The following CHN1 variants were observed in gnomAD, a reference collection of about 807,000 sequenced individuals.
The protein encoded by CHN1 is N-chimaerin.
CHN1 carries 37 observed loss-of-function variants against 59.5 expected under a neutral mutation model. That is an observed-to-expected ratio of 0.62 (90% CI 0.48 to 0.82). CHN1 has a LOEUF of 0.82. Ranked by LOEUF, CHN1 falls within the 40% of genes least tolerant of loss-of-function variation. CHN1 has a pLI of 0.00. For missense variants in CHN1, 469 were observed against 571.0 expected, an observed-to-expected ratio of 0.82 and a Z score of 1.82; for synonymous variants, 206 against 200.4, an observed-to-expected ratio of 1.03 and a Z score of -0.24.
chr2:174,925,455 A>T (rs1689140616), intron 3 of CHN1, among the ~76,000 whole-genome samples: 1 of 152,252 alleles, frequency 6.6e-6, no homozygotes, highest in South Asian at 2.1e-4. Flanking sequence ...GGAATTTGCA[A>T]CTGTGGAGAA....
At chr2:174,939,648 A>T (rs1408544829) in intron 3 of CHN1, among the ~76,000 whole-genome samples, 1 of 152,246 alleles carries the variant, frequency 6.6e-6, no homozygotes, top group Non-Finnish European at 1.5e-5. Context: ...ACATACTTAA[A>T]AAATTAAAAA....
At chr2:174,815,902 C>G (rs1685236776) in intron 8 of CHN1, among the ~76,000 whole-genome samples, 1 of 152,138 alleles carries the variant, frequency 6.6e-6, no homozygotes, top group Non-Finnish European at 1.5e-5. Context: ...ATCCAAATGT[C>G]AACCTAGTTT....
At chr2:174,972,363 T>C (rs1690785077) in intron 1 of CHN1, among the ~76,000 whole-genome samples, 1 of 152,184 alleles carries the variant, frequency 6.6e-6, no homozygotes, top group African/African-American at 2.4e-5. Context: ...ACTTACTGTC[T>C]GCATCTCAAG....
intron 4 of CHN1, among the ~76,000 whole-genome samples, chr2:174,917,870 C>T (rs1688893235): frequency 6.6e-6 from 1 of 151,996 alleles, no homozygotes; most frequent in African/African-American, 2.4e-5. Flanking sequence ...TTATTCTTTT[C>T]CCCAAAGTGC....
At position 174,812,375 on chromosome 2, in the gene CHN1, C is replaced by T. The variant is rs373546784; in HGVS notation, c.820G>A (p.Val274Met). ...KVYSCDLTTL[V>M]KAHTTKRPMV... ...GGCCGCTTAGTGGTATGTGCTTTCA[C>T]GAGCGTCGTAAGGTCACAGCTGTAC... is the stretch of plus-strand genomic sequence containing the variant. The change falls in exon 9 of 13, where the codon GTG becomes ATG. Residue 274 changes from valine to methionine, a missense_variant. This residue lies in a region of CHN1 where 225 missense variants were observed against 289.9 expected (regional missense o/e 0.78). Transcript: ENST00000409900. 8 of 1,613,864 alleles carry T rather than the reference C, an allele frequency of 5.0e-6. No homozygotes were observed. The highest frequency in any genetic ancestry group is 1.3e-5 in the African/African-American group (1 of 74,930).
At chr2:174,947,225 GA>G (rs1224350839) in intron 2 of CHN1, among the ~76,000 whole-genome samples, 3 of 152,014 alleles carry the variant, frequency 2.0e-5, no homozygotes, top group East Asian at 1.9e-4. Context: ...GAGCCACTAT[GA>G]AAAAAAGGGA....
chr2:174,995,822 T>C (rs768643937), intron 1 of CHN1, among the ~76,000 whole-genome samples: 1 of 152,128 alleles, frequency 6.6e-6, no homozygotes, highest in Non-Finnish European at 1.5e-5. Context: ...AGTAGCCACT[T>C]AAAGTGCTTG....
At chr2:174,864,710 A>G (rs1687164098) in intron 6 of CHN1, among the ~76,000 whole-genome samples, 1 of 152,014 alleles carries the variant, frequency 6.6e-6, no homozygotes, top group African/African-American at 2.4e-5. Flanking sequence ...ATCGCTACAA[A>G]AAAATTAGCT....
chr2:174,854,652 T>C lies in CHN1; in HGVS notation c.550-7695A>G, dbSNP rs145675619. Among the ~76,000 whole-genome samples the C allele has an allele frequency of 4.0e-3, 609 of 152,260 alleles. 1 individual carries two copies. Among genetic ancestry groups the C allele is most frequent in the Non-Finnish European group, 7.6e-3 (516 of 68,004 alleles). On this transcript the variant is annotated intron_variant, in intron 6 of 12. Transcript: ENST00000409900. ...TGTCTTTGTTTCTTTATATGTAAAATGAATTGAAAATACTTATGGTATAGA... is the reference window on the plus strand; with the variant it reads ...TGTCTTTGTTTCTTTATATGTAAAACGAATTGAAAATACTTATGGTATAGA...
intron 6 of CHN1, among the ~76,000 whole-genome samples, chr2:174,866,515 A>G (rs1307288363): frequency 6.6e-6 from 1 of 152,196 alleles, no homozygotes; most frequent in Non-Finnish European, 1.5e-5. Flanking sequence ...TTAGTTAGGG[A>G]AAGGCATTTT....
chr2:174,844,631 A>C (rs1249181561), intron 7 of CHN1, among the ~76,000 whole-genome samples: 1 of 152,230 alleles, frequency 6.6e-6, no homozygotes, highest in Non-Finnish European at 1.5e-5. Flanking sequence ...TGTATATCAC[A>C]ATCAGTGACC....
At chr2:174,818,796 C>T (rs1406579526) in intron 8 of CHN1, among the ~76,000 whole-genome samples, 1 of 152,114 alleles carries the variant, frequency 6.6e-6, no homozygotes, top group Non-Finnish European at 1.5e-5. Context: ...CTTTAAATTA[C>T]TTTCAGACTT....
At position 174,982,701 on chromosome 2, in the gene CHN1, T is replaced by C. The variant is rs1045700196; in HGVS notation, c.19+22193A>G. On this transcript the variant is annotated intron_variant, in intron 1 of 12. Transcript: ENST00000409900. ...CTTTGCTGGCGAGTATCAAAACAAG[T>C]GTAAGGTTAGGATGCTGTGGGTCAC... is the stretch of plus-strand genomic sequence containing the variant. Among the ~76,000 whole-genome samples the C allele has an allele frequency of 5.3e-5, 8 of 152,256 alleles. No individual in the cohort carries two copies. In the East Asian group the frequency reaches 7.7e-4, roughly 15 times the overall value.
At chr2:174,993,619 TAA>T (rs1166867877) in intron 1 of CHN1, among the ~76,000 whole-genome samples, 13 of 90,748 alleles carry the variant, frequency 1.4e-4, no homozygotes, top group Non-Finnish European at 1.2e-4. Flanking sequence ...GTACCAAAAC[TAA>T]AAAAAAAAAA....
chr2:174,894,593 TA>T (rs1574136910), intron 5 of CHN1, among the ~76,000 whole-genome samples: 1 of 115,316 alleles, frequency 8.7e-6, no homozygotes, highest in East Asian at 2.1e-4. Flanking sequence ...ATAGAACTAT[TA>T]TTATGACCCA....
intron 5 of CHN1, among the ~76,000 whole-genome samples, chr2:174,908,140 C>T (rs956814273): frequency 3.9e-5 from 6 of 152,128 alleles, no homozygotes; most frequent in Non-Finnish European, 8.8e-5. Flanking sequence ...TTGTTCTTCT[C>T]CCAATTTAGA....
intron 3 of CHN1, among the ~76,000 whole-genome samples, chr2:174,922,469 C>T (rs1014601050): frequency 6.6e-6 from 1 of 152,152 alleles, no homozygotes; most frequent in East Asian, 1.9e-4. Flanking sequence ...GGTAGGAGAA[C>T]TGCTTGAGGC....
In CHN1 at chr2:174,900,532, G is replaced by A. The variant is rs577487432; in HGVS notation, c.260+14526C>T. On this transcript the variant is annotated intron_variant, in intron 5 of 12. Transcript: ENST00000409900. ...TAAAACGTAACCATCAAGGCCAGGCGCAGTGGCTCACGCCTGTAATCCCAG... is the reference window on the plus strand; with the variant it reads ...TAAAACGTAACCATCAAGGCCAGGCACAGTGGCTCACGCCTGTAATCCCAG... Among the ~76,000 whole-genome samples, 24 of 152,266 alleles carry A rather than the reference G, an allele frequency of 1.6e-4. No homozygotes were observed. In the South Asian group the frequency reaches 3.7e-3, roughly 24 times the overall value.
intron 6 of CHN1, among the ~76,000 whole-genome samples, chr2:174,874,122 G>C (rs1348325119): frequency 6.6e-6 from 1 of 152,066 alleles, no homozygotes; most frequent in Non-Finnish European, 1.5e-5. Flanking sequence ...GTATGGTTTG[G>C]GGAAATTGAA....
Sources: allele counts gnomAD v4.1 joint callset (sites outside exome capture counted in the v4.1 genomes callset), GRCh38; gene constraint gnomAD v4.1.1; regional missense constraint gnomAD v4.1.1; transcripts MANE v1.5; gene names NCBI Gene and HGNC (gene_info 2026-07-23, HGNC 2026-07-21).